Variants in CSMD1 observed in about 807,000 individuals in gnomAD.
The protein encoded by CSMD1 is CUB and sushi domain-containing protein 1.
CSMD1 carries 213 observed loss-of-function variants against 417.5 expected under a neutral mutation model. That is an observed-to-expected ratio of 0.51 (90% CI 0.46 to 0.57). The LOEUF is 0.57. Ranked by LOEUF, CSMD1 falls within the 20% of genes least tolerant of loss-of-function variation. The pLI, the probability that CSMD1 is intolerant of heterozygous loss-of-function variation, is 0.00. For synonymous variants in CSMD1, 2,862 were observed against 1,736.8 expected (o/e 1.65, Z -16.11); for missense variants, 6,923 against 4,529.7 (o/e 1.53, Z -15.17).
rs1215635116 is a variant in CSMD1, at chr8:4,221,721, A to T, written c.416-189622T>A. Reference sequence around the variant, plus strand: ...TAGACTGGAGGCTTTCTCTCCAGAGATGCTCAATTAGACTATGGGATGCTG... The same window carrying T: ...TAGACTGGAGGCTTTCTCTCCAGAGTTGCTCAATTAGACTATGGGATGCTG... On this transcript the variant is annotated intron_variant, in intron 3 of 69. Coordinates refer to ENST00000635120, the MANE Select transcript of CSMD1 (RefSeq NM_033225.6). Among the ~76,000 whole-genome samples, 4 of 152,218 alleles carry T rather than the reference A, an allele frequency of 2.6e-5. No individual in the cohort carries two copies. In the East Asian group the frequency reaches 7.7e-4, roughly 29 times the overall value.
chr8:4,452,922 G>T (rs193298199), intron 2 of CSMD1, among the ~76,000 whole-genome samples: 18 of 152,280 alleles, frequency 1.2e-4, no homozygotes, highest in Non-Finnish European at 2.2e-4. Flanking sequence ...AGTGGTAACA[G>T]CCTTTTTATT....
chr8:4,063,141 T>C (rs1449786126), intron 3 of CSMD1, among the ~76,000 whole-genome samples: 1 of 152,176 alleles, frequency 6.6e-6, no homozygotes, highest in Non-Finnish European at 1.5e-5. Flanking sequence ...TATTTCAAAA[T>C]GCCTAGAAGA....
chr8:4,621,341 A>T (rs1313060672), intron 2 of CSMD1, among the ~76,000 whole-genome samples: 1 of 152,066 alleles, frequency 6.6e-6, no homozygotes, highest in African/African-American at 2.4e-5. Context: ...TCCACTTATG[A>T]TGTCATGTTG....
At position 4,352,670 on chromosome 8, in the gene CSMD1, T is replaced by G. The variant is rs147484312; in HGVS notation, c.415+67283A>C. ...ATACTATTTCCCCTATGAAGGTCAT[T>G]TATAAAAACGTATGCATTTTAAGTT... On this transcript the variant is annotated intron_variant, in intron 3 of 69. Transcript: ENST00000635120. Among the ~76,000 whole-genome samples the G allele has an allele frequency of 1.4e-3, 215 of 152,318 alleles. 1 individual carries two copies. The highest frequency in any genetic ancestry group is 4.9e-3 in the African/African-American group (204 of 41,582).
chr8:4,713,218 G>T (rs1458810753), intron 1 of CSMD1, among the ~76,000 whole-genome samples: 2 of 152,176 alleles, frequency 1.3e-5, no homozygotes, highest in African/African-American at 4.8e-5. Context: ...GACCAAATTA[G>T]TTTCAGATTT....
intron 25 of CSMD1, among the ~76,000 whole-genome samples, chr8:3,294,802 C>T (rs954130107): frequency 3.3e-5 from 5 of 152,156 alleles, no homozygotes; most frequent in East Asian, 1.9e-4. Context: ...CCTGCTTTGG[C>T]TCCCGCTTGG....
intron 5 of CSMD1, among the ~76,000 whole-genome samples, chr8:3,874,731 G>A (rs1805700371): frequency 6.6e-6 from 1 of 152,102 alleles, no homozygotes; most frequent in African/African-American, 2.4e-5. Context: ...ACTGCTCTTG[G>A]CAATGGAGGT....
At chr8:3,428,258 G>A (rs114990114) in intron 12 of CSMD1, among the ~76,000 whole-genome samples, 1 of 151,920 alleles carries the variant, frequency 6.6e-6, no homozygotes, top group East Asian at 1.9e-4. Flanking sequence ...GACCTTAAAA[G>A]TCACTTTAGA....
intron 2 of CSMD1, among the ~76,000 whole-genome samples, chr8:4,573,992 C>T (rs1190632333): frequency 1.3e-5 from 2 of 152,176 alleles, no homozygotes; most frequent in South Asian, 4.1e-4. Flanking sequence ...TCAAGTCTCC[C>T]AGCTCGACTT....
chr8:4,011,709 A>C (rs1383586802), intron 4 of CSMD1, among the ~76,000 whole-genome samples: 1 of 152,202 alleles, frequency 6.6e-6, no homozygotes, highest in African/African-American at 2.4e-5. Flanking sequence ...AAGAACTTGC[A>C]AAATAGTACG....
In CSMD1 at chr8:4,842,345, T is replaced by A. The variant is rs193020926; in HGVS notation, c.85+151987A>T. On this transcript the variant is annotated intron_variant, in intron 1 of 69. Transcript: ENST00000635120. ...AATTCTACAATGGACTTTTAATATC[T>A]GACTTTGGCTTAAATTAAAACTTCT... Among the ~76,000 whole-genome samples the A allele has an allele frequency of 1.7e-4, 26 of 152,362 alleles. 1 individual carries two copies. In the South Asian group the frequency reaches 5.2e-3, roughly 30 times the overall value.
chr8:4,538,229 T>C (rs17070520), intron 2 of CSMD1, among the ~76,000 whole-genome samples: 14,294 of 151,500 alleles, frequency 0.094, 840 homozygotes, highest in East Asian at 0.23. Flanking sequence ...TGCCTTGATG[T>C]ATGTGGCACC....
chr8:3,319,761 A>C (rs549520212), intron 23 of CSMD1, among the ~76,000 whole-genome samples: 4 of 152,326 alleles, frequency 2.6e-5, no homozygotes, highest in African/African-American at 9.6e-5. Flanking sequence ...GGAACACGTC[A>C]GCCGGGCTAT....
intron 3 of CSMD1, among the ~76,000 whole-genome samples, chr8:4,149,183 C>G (rs139351423): frequency 6.6e-6 from 1 of 152,018 alleles, no homozygotes; most frequent in African/African-American, 2.4e-5. Flanking sequence ...AGGCTGGTCT[C>G]GAACTCCTGA....
chr8:4,306,293 A>G (rs76944039), intron 3 of CSMD1, among the ~76,000 whole-genome samples: 114,833 of 151,980 alleles, frequency 0.76, 43,498 homozygotes, highest in East Asian at 0.85. Context: ...ATAGACACTA[A>G]ATAATATATA....
chr8:4,845,593 G>A (rs181117709), intron 1 of CSMD1, among the ~76,000 whole-genome samples: 1 of 152,154 alleles, frequency 6.6e-6, no homozygotes, highest in African/African-American at 2.4e-5. Context: ...ATATTTATTG[G>A]GTTCCTACCA....
chr8:4,108,998 T>G (rs954053826), intron 3 of CSMD1, among the ~76,000 whole-genome samples: 1 of 152,206 alleles, frequency 6.6e-6, no homozygotes, highest in Admixed American at 6.5e-5. Context: ...CTGGAAAGGA[T>G]TGGTTTCAGG....
At chr8:4,728,193 G>A (rs293878) in intron 1 of CSMD1, among the ~76,000 whole-genome samples, 137,471 of 147,264 alleles carry the variant, frequency 0.93, 64,268 homozygotes, top group East Asian at 0.99. Flanking sequence ...TTATATATTC[G>A]TATATTTATA....
intron 12 of CSMD1, among the ~76,000 whole-genome samples, chr8:3,466,724 C>T (rs140394671): frequency 2.5e-3 from 381 of 151,918 alleles, no homozygotes; most frequent in African/African-American, 8.3e-3. Context: ...CCCCCCTGCC[C>T]GGGCTGTTTT....
Sources: gnomAD v4.1 joint callset for allele counts (sites outside exome capture counted in the v4.1 genomes callset) on GRCh38, gnomAD v4.1.1 for gene constraint, MANE v1.5 for transcripts, NCBI Gene and HGNC (gene_info 2026-07-23, HGNC 2026-07-21) for gene names.